XIRP2: variants seen among roughly 807,000 people sequenced by gnomAD.
The protein encoded by XIRP2 is xin actin binding repeat containing 2.
In XIRP2, 236 loss-of-function variants were observed where a neutral mutation model predicts 277.0. That is an observed-to-expected ratio of 0.85 (90% CI 0.77 to 0.95). The LOEUF (loss-of-function observed/expected upper bound fraction) is 0.95. XIRP2 is among the 40% of genes least tolerant of loss of function. XIRP2 has a pLI of 0.00. For synonymous variants in XIRP2, 1,490 were observed against 1,416.5 expected, an observed-to-expected ratio of 1.05 and a Z score of -1.17; for missense variants, 4,640 against 4,157.5, an observed-to-expected ratio of 1.12 and a Z score of -3.19.
intron 2 of XIRP2, among the ~76,000 whole-genome samples, chr2:166,957,513 T>A (rs1386024841): frequency 6.6e-6 from 1 of 151,840 alleles, no homozygotes; most frequent in East Asian, 1.9e-4. Context: ...AATAATTATC[T>A]CTATTTTTTA....
At chr2:166,999,677 A>C (rs1687313720) in intron 2 of XIRP2, among the ~76,000 whole-genome samples, 1 of 152,156 alleles carries the variant, frequency 6.6e-6, no homozygotes, top group African/African-American at 2.4e-5. Context: ...TTCTCGCTTA[A>C]AATAAATGAT....
At chr2:167,240,950 T>C (rs1695047959) in intron 7 of XIRP2, among the ~76,000 whole-genome samples, 1 of 152,224 alleles carries the variant, frequency 6.6e-6, no homozygotes, top group South Asian at 2.1e-4. Flanking sequence ...TTATTGGCCA[T>C]CAGTCCTATG....
At chr2:167,117,736 A>C (rs969871718) in intron 2 of XIRP2, among the ~76,000 whole-genome samples, 10 of 152,260 alleles carry the variant, frequency 6.6e-5, no homozygotes, top group Non-Finnish European at 1.3e-4. Flanking sequence ...TTTGCAATAC[A>C]GTACACCAGC....
intron 2 of XIRP2, among the ~76,000 whole-genome samples, chr2:167,051,091 T>C (rs971199771): frequency 1.3e-5 from 2 of 152,058 alleles, no homozygotes; most frequent in African/African-American, 4.8e-5. Flanking sequence ...TATTCCATAC[T>C]GTTCATTTCC....
At chr2:167,201,316 AGAACGAAG>A in intron 3 of XIRP2, among the ~76,000 whole-genome samples, 1 of 138,414 alleles carries the variant, frequency 7.2e-6, no homozygotes, top group Non-Finnish European at 1.5e-5. Flanking sequence ...AAGGAAGGAA[AGAACGAAG>A]GAAGGAAGGA....
rs139379772 is a variant in XIRP2 at position 167,245,474 on chromosome 2, C to A, written c.4082C>A (p.Ser1361Tyr). 2.5e-6 allele frequency: 4 copies of A among 1,613,504 alleles called. No homozygotes were observed. In the East Asian group the frequency reaches 8.9e-5, roughly 36 times the overall value. ...RWLFETKPLDSINKSETVYVI... is the reference protein window; with the variant it reads ...RWLFETKPLDYINKSETVYVI... ...CTTTTTGAAACAAAGCCATTAGACT[C>A]TATTAATAAATCAGAAACTGTGTAT... The change falls in exon 9 of 11, where the codon TCT (serine) becomes TAT (tyrosine). Residue 1361 changes from serine to tyrosine, a missense_variant. Ser to Tyr is a moderately radical substitution (Grantham distance 144). Coordinates refer to ENST00000409195, the MANE Select transcript of XIRP2 (RefSeq NM_152381.6).
chr2:166,948,132 C>T (rs748896252), intron 2 of XIRP2, among the ~76,000 whole-genome samples: 47 of 152,146 alleles, frequency 3.1e-4, no homozygotes, highest in Non-Finnish European at 5.9e-4. Context: ...GATAGTATAA[C>T]GGTGGATTCA....
At chr2:167,139,071 A>AT (rs1558993714) in intron 3 of XIRP2, among the ~76,000 whole-genome samples, 1 of 150,540 alleles carries the variant, frequency 6.6e-6, no homozygotes, top group East Asian at 2.0e-4. Context: ...TGTCTCAAAA[A>AT]ATATATATAT....
chr2:167,014,291 CAGAA>C (rs1461764520), intron 2 of XIRP2, among the ~76,000 whole-genome samples: 1 of 151,306 alleles, frequency 6.6e-6, no homozygotes, highest in African/African-American at 2.4e-5. Context: ...AATAAACAAA[CAGAA>C]AGCCTAAACT....
At chr2:167,194,915 T>G (rs1693458244) in intron 3 of XIRP2, among the ~76,000 whole-genome samples, 1 of 152,210 alleles carries the variant, frequency 6.6e-6, no homozygotes, top group Non-Finnish European at 1.5e-5. Context: ...ATATTACTAC[T>G]ATTATTATTT....
At chr2:167,072,814 G>T (rs1391806943) in intron 2 of XIRP2, among the ~76,000 whole-genome samples, 2 of 152,198 alleles carry the variant, frequency 1.3e-5, no homozygotes, top group East Asian at 1.9e-4. Context: ...GGAAACATTT[G>T]CAGGACTGAA....
At chr2:167,127,162 C>T (rs1037122238) in intron 2 of XIRP2, among the ~76,000 whole-genome samples, 11 of 152,102 alleles carry the variant, frequency 7.2e-5, no homozygotes, top group African/African-American at 2.4e-4. Flanking sequence ...ATTTGAAATG[C>T]CCTACTTCCT....
chr2:167,198,771 T>G (rs1693596338), intron 3 of XIRP2, among the ~76,000 whole-genome samples: 1 of 152,252 alleles, frequency 6.6e-6, no homozygotes, highest in African/African-American at 2.4e-5. Flanking sequence ...ATTTTCACTT[T>G]CCTTCTTGAT....
At chr2:166,910,848 T>G (rs1344799469) in intron 2 of XIRP2, among the ~76,000 whole-genome samples, 2 of 152,228 alleles carry the variant, frequency 1.3e-5, no homozygotes, top group African/African-American at 2.4e-5. Flanking sequence ...ACATCTTTAT[T>G]TCTGCCTTCA....
At chr2:167,172,900 G>A (rs4114999) in intron 3 of XIRP2, among the ~76,000 whole-genome samples, 2 of 152,168 alleles carry the variant, frequency 1.3e-5, no homozygotes, top group Non-Finnish European at 2.9e-5. Flanking sequence ...AGTATTGATT[G>A]GGGAAGTGAT....
chr2:166,998,276 AC>A (rs1048642854), intron 2 of XIRP2, among the ~76,000 whole-genome samples: 60 of 152,244 alleles, frequency 3.9e-4, no homozygotes, highest in African/African-American at 1.3e-3. Flanking sequence ...ACAAAATTAA[AC>A]TAAAAAAAAT....
In XIRP2 at chr2:167,250,255, C is replaced by T; in HGVS notation, c.8863C>T (p.Gln2955Ter). ...VEFLRKREEL[Q>*]QILSRVKQFE... is the part of the protein sequence containing the mutation. ...ATTCTTGAGAAAACGTGAAGAACTG[C>T]AACAGATTTTGTCGAGAGTGAAACA... is the stretch of plus-strand genomic sequence containing the variant. The change falls in exon 9 of 11, where the codon CAA becomes TAA. Residue 2955 changes from glutamine to a stop codon, truncating the protein, a stop_gained. Transcript: ENST00000409195. LOFTEE classifies it high-confidence loss of function. The T allele has an allele frequency of 6.2e-7, 1 of 1,613,248 alleles. No homozygotes were observed. Among genetic ancestry groups the T allele is most frequent in the Non-Finnish European group, 8.5e-7 (1 of 1,179,648 alleles).
At chr2:166,969,983 G>A (rs781043975) in intron 2 of XIRP2, among the ~76,000 whole-genome samples, 6 of 151,798 alleles carry the variant, frequency 4.0e-5, no homozygotes, top group Admixed American at 6.6e-5. Context: ...ATTAGCATTC[G>A]GATCATTTTT....
At chr2:167,006,075 T>A (rs1362875619) in intron 2 of XIRP2, among the ~76,000 whole-genome samples, 1 of 151,798 alleles carries the variant, frequency 6.6e-6, no homozygotes, top group Non-Finnish European at 1.5e-5. Context: ...CTACGTTGAT[T>A]TTACTGATTA....
Sources: gnomAD v4.1 joint callset for allele counts (sites outside exome capture counted in the v4.1 genomes callset) on GRCh38, gnomAD v4.1.1 for gene constraint, MANE v1.5 for transcripts, NCBI Gene and HGNC (gene_info 2026-07-23, HGNC 2026-07-21) for gene names.